Variants in CACNA2D1 observed in about 807,000 individuals in gnomAD.
The protein encoded by CACNA2D1 is calcium voltage-gated channel auxiliary subunit alpha2delta 1.
Under a neutral mutation model 171.5 loss-of-function variants are expected in CACNA2D1, and 53 were observed. That is an observed-to-expected ratio of 0.31 (90% CI 0.25 to 0.39). CACNA2D1 has a LOEUF of 0.39. Among genes scored for constraint, CACNA2D1 ranks in the 10% least tolerant of loss-of-function variants. The pLI, the probability that CACNA2D1 is intolerant of heterozygous loss-of-function variation, is 1.00. For missense variants in CACNA2D1, 903 were observed against 1,299.8 expected (o/e 0.69, Z 4.69); for synonymous variants, 442 against 443.1 (o/e 1.00, Z 0.03).
chr7:82,149,979 C>T (rs931433558), intron 4 of CACNA2D1, among the ~76,000 whole-genome samples: 8 of 150,542 alleles, frequency 5.3e-5, no homozygotes, highest in Admixed American at 1.3e-4. Context: ...TGTACATGTG[C>T]GTGTGTGTGT....
intron 27 of CACNA2D1, 138 bp downstream of exon 27, chr7:81,970,537 A>G: frequency 1.5e-6 from 1 of 679,192 alleles, no homozygotes; most frequent in Non-Finnish European, 2.7e-6. Context: ...AATAATGTAA[A>G]TACTGTAAAC....
intron 4 of CACNA2D1, among the ~76,000 whole-genome samples, chr7:82,168,412 G>A (rs1367764523): frequency 3.3e-5 from 5 of 152,086 alleles, no homozygotes; most frequent in African/African-American, 1.2e-4. Context: ...CCAAAGTGCT[G>A]GGATTACAGG....
chr7:82,025,363 C>T (rs915027673), intron 12 of CACNA2D1, among the ~76,000 whole-genome samples: 3 of 151,462 alleles, frequency 2.0e-5, no homozygotes, highest in South Asian at 4.1e-4. Context: ...TTGTTAAGTT[C>T]GCCTCCTTTG....
At chr7:81,984,609 C>G in intron 22 of CACNA2D1, 26 bp downstream of exon 22, 2 of 1,313,336 alleles carry the variant, frequency 1.5e-6, no homozygotes, top group Non-Finnish European at 2.2e-6. Flanking sequence ...ACAAATGGAC[C>G]CTGAAGTCAC....
intron 3 of CACNA2D1, among the ~76,000 whole-genome samples, chr7:82,205,226 C>T (rs1799892865): frequency 6.6e-6 from 1 of 151,980 alleles, no homozygotes; most frequent in African/African-American, 2.4e-5. Context: ...GTGTGACATG[C>T]CCCAAAATTT....
At chr7:82,070,298 C>G (rs753195336) in intron 7 of CACNA2D1, among the ~76,000 whole-genome samples, 1 of 152,100 alleles carries the variant, frequency 6.6e-6, no homozygotes, top group African/African-American at 2.4e-5. Flanking sequence ...TATCTGCTCC[C>G]GAATAAAACT....
intron 3 of CACNA2D1, among the ~76,000 whole-genome samples, chr7:82,310,561 ATTTG>A (rs1001038909): frequency 4.6e-5 from 7 of 152,084 alleles, no homozygotes; most frequent in East Asian, 1.9e-4. Context: ...CAAAGCTATA[ATTTG>A]TTTTTTTCTT....
At chr7:82,343,814 T>G (rs1015088870) in intron 2 of CACNA2D1, among the ~76,000 whole-genome samples, 1 of 152,182 alleles carries the variant, frequency 6.6e-6, no homozygotes, top group Non-Finnish European at 1.5e-5. Context: ...TTAAAAATAA[T>G]TAACCATAGG....
chr7:82,293,256 C>T (rs928222757), intron 3 of CACNA2D1, among the ~76,000 whole-genome samples: 3 of 151,916 alleles, frequency 2.0e-5, no homozygotes, highest in Non-Finnish European at 4.4e-5. Flanking sequence ...CAGTTTCCTG[C>T]ATTGTCTCGG....
At chr7:82,084,660 G>A (rs1810230971) in intron 7 of CACNA2D1, 109 bp downstream of exon 7, 1 of 1,217,662 alleles carries the variant, frequency 8.2e-7, no homozygotes, top group African/African-American at 1.5e-5. Context: ...CCTTATAAAA[G>A]TAGTGTGATA....
intron 1 of CACNA2D1, among the ~76,000 whole-genome samples, chr7:82,366,393 G>A (rs1184239611): frequency 1.3e-5 from 2 of 152,122 alleles, no homozygotes; most frequent in African/African-American, 4.8e-5. Context: ...CCCAACTCTA[G>A]TAATCTTTGT....
At chr7:82,253,656 A>T (rs1001010614) in intron 3 of CACNA2D1, among the ~76,000 whole-genome samples, 1 of 152,236 alleles carries the variant, frequency 6.6e-6, no homozygotes, top group East Asian at 1.9e-4. Flanking sequence ...AAATTCTTAT[A>T]TAACTTTTTG....
chr7:82,180,787 T>A (rs2129168894), intron 3 of CACNA2D1, among the ~76,000 whole-genome samples: 1 of 151,682 alleles, frequency 6.6e-6, no homozygotes, highest in African/African-American at 2.4e-5. Flanking sequence ...CAGTGGGAAG[T>A]CTTGAGGTGA....
chr7:82,116,747 C>T (rs189083359), intron 6 of CACNA2D1, among the ~76,000 whole-genome samples: 3 of 152,264 alleles, frequency 2.0e-5, no homozygotes, highest in Non-Finnish European at 2.9e-5. Flanking sequence ...TATCTATATA[C>T]TTTGTAAGTT....
chr7:81,967,548 T>G, intron 30 of CACNA2D1, 48 bp downstream of exon 30: 1 of 1,011,696 alleles, frequency 9.9e-7, no homozygotes, highest in Non-Finnish European at 1.5e-6. Context: ...TTCTATTGAA[T>G]TTTGAAAACA....
At chr7:82,340,472 A>AT (rs112753388) in intron 2 of CACNA2D1, among the ~76,000 whole-genome samples, 276 of 145,194 alleles carry the variant, frequency 1.9e-3, no homozygotes, top group Middle Eastern at 7.2e-3. Context: ...CACCCAGTCT[A>AT]TTTTTTTTTT....
intron 3 of CACNA2D1, among the ~76,000 whole-genome samples, chr7:82,174,920 A>C (rs1796407613): frequency 6.6e-6 from 1 of 152,044 alleles, no homozygotes; most frequent in Non-Finnish European, 1.5e-5. Context: ...TTCATTCTCA[A>C]CCTTTACTTT....
intron 1 of CACNA2D1, among the ~76,000 whole-genome samples, chr7:82,405,948 G>A (rs557910646): frequency 2.2e-4 from 34 of 152,206 alleles, no homozygotes; most frequent in Admixed American, 4.6e-4. Context: ...GTGCAGGTTT[G>A]TTACATATGT....
intron 3 of CACNA2D1, among the ~76,000 whole-genome samples, chr7:82,252,977 C>T (rs1009668506): frequency 1.3e-4 from 19 of 151,750 alleles, no homozygotes; most frequent in African/African-American, 3.4e-4. Flanking sequence ...CTAAAACATA[C>T]GAAGGTTCTG....
Sources: allele counts gnomAD v4.1 joint callset (sites outside exome capture counted in the v4.1 genomes callset), GRCh38; gene constraint gnomAD v4.1.1; transcripts MANE v1.5; gene names NCBI Gene and HGNC (gene_info 2026-07-23, HGNC 2026-07-21).